GDA: variants seen among roughly 807,000 people sequenced by gnomAD.
GDA encodes guanine deaminase, also known as cytoplasmic PSD-95 interactor.
In GDA, 18 loss-of-function variants were observed where a neutral mutation model predicts 59.6. The ratio of observed to expected loss-of-function variants is 0.30; its 90% CI spans 0.21 to 0.45. The LOEUF (loss-of-function observed/expected upper bound fraction) is 0.45. Among genes scored for constraint, GDA ranks in the 20% least tolerant of loss-of-function variants. The pLI is 1.00. For synonymous variants in GDA, 201 were observed against 201.1 expected, an observed-to-expected ratio of 1.00 and a Z score of 0.00; for missense variants, 427 against 552.3, an observed-to-expected ratio of 0.77 and a Z score of 2.27.
At chr9:72,215,611 T>G (rs1427698903) in intron 5 of GDA, among the ~76,000 whole-genome samples, 1 of 152,158 alleles carries the variant, frequency 6.6e-6, no homozygotes, top group Non-Finnish European at 1.5e-5. Context: ...GTTCTACATC[T>G]GTGCTCCTAG....
chr9:72,192,142 GT>G (rs1478131667), intron 1 of GDA, among the ~76,000 whole-genome samples: 1 of 145,770 alleles, frequency 6.9e-6, no homozygotes, highest in Non-Finnish European at 1.5e-5. Context: ...GAATTTGTGG[GT>G]TTTTAGATCC....
chr9:72,189,069 A>G (rs1187836433), intron 1 of GDA, among the ~76,000 whole-genome samples: 1 of 150,618 alleles, frequency 6.6e-6, no homozygotes, highest in Non-Finnish European at 1.5e-5. Flanking sequence ...GAAGTAGATA[A>G]CTTATTTGAT....
At position 72,223,242 on chromosome 9, in the gene GDA, T is replaced by C. The variant is rs1179983315; in HGVS notation, c.714+15T>C. 1 of 1,384,742 alleles carries C rather than the reference T, an allele frequency of 7.2e-7. No individual in the cohort carries two copies. Among genetic ancestry groups the C allele is most frequent in the Admixed American group, 1.7e-5 (1 of 59,532 alleles). The allele number at this position is 1,384,742 out of a possible 1,614,324, so 85.8% of individuals were successfully genotyped here. A position where few individuals can be genotyped will look rare whatever the true frequency, so the allele number is the denominator to read the frequency against. On this transcript the variant is annotated intron_variant, in intron 7 of 13. Transcript: ENST00000358399. ...TGCACATTCAGGTGGGTATTCTTCT[T>C]CTCTTTATGCCTCTATGCAGACCTG...
At chr9:72,232,378 A>T (rs1587746533) in intron 10 of GDA, among the ~76,000 whole-genome samples, 1 of 152,220 alleles carries the variant, frequency 6.6e-6, no homozygotes, top group Admixed American at 6.5e-5. Context: ...TGAAAGAGGT[A>T]TATATTAGAT....
intron 6 of GDA, 50 bp downstream of exon 6, chr9:72,219,556 G>T (rs1435317848): frequency 7.2e-7 from 1 of 1,384,608 alleles, no homozygotes; most frequent in African/African-American, 1.4e-5. Context: ...TGCATTAGCT[G>T]TAGGATTCAT....
chr9:72,205,244 G>A (rs1051105036), intron 3 of GDA, among the ~76,000 whole-genome samples: 1 of 152,124 alleles, frequency 6.6e-6, no homozygotes. Flanking sequence ...CTGTTTAAGG[G>A]TGTGGAGATG....
At chr9:72,138,744 A>T (rs1001284218) in intron 1 of GDA, among the ~76,000 whole-genome samples, 1 of 152,190 alleles carries the variant, frequency 6.6e-6, no homozygotes. Flanking sequence ...GATAAGAGTC[A>T]TGACTTTTTA....
At chr9:72,241,856 T>TA (rs1415202449) in intron 11 of GDA, among the ~76,000 whole-genome samples, 6 of 152,320 alleles carry the variant, frequency 3.9e-5, no homozygotes, top group Admixed American at 3.9e-4. Flanking sequence ...ATTGTGCCAC[T>TA]ACACTTCAGC....
At position 72,143,432 on chromosome 9, in the gene GDA, G is replaced by C. The variant is rs902313061; in HGVS notation, c.-100+28599G>C. Among the ~76,000 whole-genome samples the C allele has an allele frequency of 3.3e-5, 5 of 151,966 alleles. No individual in the cohort carries two copies. In the South Asian group the frequency reaches 1.0e-3, roughly 32 times the overall value. On this transcript the variant is annotated intron_variant, in intron 1 of 13. Transcript: ENST00000545168. The stretch of plus-strand genomic sequence containing the variant: ...GCATGAGCCACCACACCCGGCCCAA[G>C]AATATTTGCTTTGAGCTTGCTGTCA...
chr9:72,228,014 C>T lies in GDA; in HGVS notation c.894C>T (p.Ile298=), dbSNP rs1402929207. The change falls in exon 9 of 14, where the codon ATC becomes ATT. Residue 298 remains isoleucine, a synonymous_variant. Coordinates refer to ENST00000358399, the MANE Select transcript of GDA (RefSeq NM_004293.5). Reference sequence around the variant, plus strand: ...TATTCCATGAACGAGGAGCATCCATCGCACACTGTCCCAATTCTAATTTAT... The same window carrying T: ...TATTCCATGAACGAGGAGCATCCATTGCACACTGTCCCAATTCTAATTTAT... The part of the protein sequence containing the change: ...LNVFHERGAS[I]AHCPNSNLSL... 2 of 1,587,012 alleles carry T rather than the reference C, an allele frequency of 1.3e-6. No homozygotes were observed. The highest frequency in any genetic ancestry group is 2.2e-5 in the South Asian group (2 of 90,028).
In GDA at chr9:72,183,272, T is replaced by C. The variant is rs561281807; in HGVS notation, c.124-12228T>C. Among the ~76,000 whole-genome samples, 9 of 152,290 alleles carry C rather than the reference T, an allele frequency of 5.9e-5. No homozygotes were observed. The East Asian group carries it at 1.7e-3, about 29-fold the overall frequency. On this transcript the variant is annotated intron_variant, in intron 1 of 13. Coordinates refer to ENST00000358399, the MANE Select transcript of GDA (RefSeq NM_004293.5). Reference sequence around the variant, plus strand: ...ATATTACTCCTATATGTAATCAATCTCCTGACCCTGGGGACTGTCTCCTCG... The same window carrying C: ...ATATTACTCCTATATGTAATCAATCCCCTGACCCTGGGGACTGTCTCCTCG...
intron 1 of GDA, among the ~76,000 whole-genome samples, chr9:72,132,460 T>C (rs1401998717): frequency 6.6e-6 from 1 of 152,068 alleles, no homozygotes; most frequent in African/African-American, 2.4e-5. Flanking sequence ...AGTGACAAAA[T>C]TGCTGTGACA....
At chr9:72,155,487 G>A (rs1441814737) in intron 1 of GDA, among the ~76,000 whole-genome samples, 1 of 152,186 alleles carries the variant, frequency 6.6e-6, no homozygotes, top group Non-Finnish European at 1.5e-5. Context: ...TCTAGGTTGA[G>A]AGAACTGCCT....
In GDA at chr9:72,250,644, A is replaced by G; in HGVS notation, c.*2302A>G. 6 of 1,600,778 alleles carry G rather than the reference A, an allele frequency of 3.7e-6. No individual in the cohort carries two copies. Among genetic ancestry groups the G allele is most frequent in the Non-Finnish European group, 5.1e-6 (6 of 1,175,980 alleles). ...GGGGCCAGATTTTCTGCACTTTGAA[A>G]TGTTGCCTTTGCCTAATGTAGGTTG... On this transcript the variant is annotated 3_prime_UTR_variant, in exon 14 of 14. Coordinates refer to ENST00000358399, the MANE Select transcript of GDA (RefSeq NM_004293.5).
chr9:72,223,443 C>T (rs1335713754), intron 7 of GDA, among the ~76,000 whole-genome samples: 1 of 152,130 alleles, frequency 6.6e-6, no homozygotes, highest in Admixed American at 6.5e-5. Context: ...CCTGAAGTTC[C>T]TTATACCCTC....
intron 1 of GDA, among the ~76,000 whole-genome samples, chr9:72,134,035 G>A (rs767687037): frequency 1.3e-5 from 2 of 152,180 alleles, no homozygotes; most frequent in African/African-American, 2.4e-5. Flanking sequence ...TGTAAAGAGT[G>A]AAAATCATTG....
At chr9:72,121,528 C>T (rs139398141) in intron 1 of GDA, among the ~76,000 whole-genome samples, 4 of 152,222 alleles carry the variant, frequency 2.6e-5, no homozygotes, top group African/African-American at 9.6e-5. Context: ...ACCCAGGAGG[C>T]GGAGGTTGCA....
intron 1 of GDA, among the ~76,000 whole-genome samples, chr9:72,185,078 T>C (rs1268742263): frequency 6.6e-6 from 1 of 152,242 alleles, no homozygotes; most frequent in Non-Finnish European, 1.5e-5. Context: ...AAACTTATAT[T>C]GGAATATAGC....
chr9:72,156,355 C>T (rs1467015920), intron 1 of GDA, among the ~76,000 whole-genome samples: 1 of 152,166 alleles, frequency 6.6e-6, no homozygotes, highest in African/African-American at 2.4e-5. Context: ...GCTACTTTAC[C>T]AGAAGTTCTC....
Sources: gnomAD v4.1 joint callset for allele counts (sites outside exome capture counted in the v4.1 genomes callset) on GRCh38, gnomAD v4.1.1 for gene constraint, MANE v1.5 for transcripts, NCBI Gene and HGNC (gene_info 2026-07-23, HGNC 2026-07-21) for gene names.